Variants in MIB1 observed in about 807,000 individuals in gnomAD.
MIB1 encodes the protein MIB E3 ubiquitin protein ligase 1, also known as E3 ubiquitin-protein ligase MIB1.
MIB1 carries 278 observed loss-of-function variants against 124.5 expected under a neutral mutation model. The ratio of observed to expected loss-of-function variants is 2.23; its 90% CI spans 2.02 to 2.47. The LOEUF is 2.47. Among genes scored for constraint, MIB1 ranks in the 30% most tolerant of loss-of-function variants. The probability of loss-of-function intolerance (pLI) is 0.00; values close to 1 mark genes in which losing one functional copy is unlikely to be tolerated. For missense variants in MIB1, 957 were observed against 1,254.4 expected (o/e 0.76, Z 3.58); for synonymous variants, 446 against 429.4 (o/e 1.04, Z -0.48).
At chr18:21,768,252 A>G (rs1051002980) in intron 2 of MIB1, among the ~76,000 whole-genome samples, 1 of 152,194 alleles carries the variant, frequency 6.6e-6, no homozygotes. Context: ...AGTCCATTAC[A>G]TTTTAACTTT....
chr18:21,741,521 G>A lies in MIB1; in HGVS notation c.-63G>A, dbSNP rs1350749699. 13 of 1,237,652 alleles carry A rather than the reference G, an allele frequency of 1.1e-5. No individual in the cohort carries two copies. The highest frequency in any genetic ancestry group is 1.6e-5 in the African/African-American group (1 of 62,506). The allele number at this position is 1,237,652 out of a possible 1,614,324, so 76.7% of individuals were successfully genotyped here. ...CCGGCCCGGGCCCAACTCCCTCACG[G>A]GCCCCCCGGCGGCAGCGGCGGCGGC... On this transcript the variant is annotated 5_prime_UTR_variant, in exon 1 of 21. Transcript: ENST00000261537. The surrounding 1 kb of genome is among the most constrained non-coding windows in gnomAD (Gnocchi z 5.4).
At chr18:21,716,667 C>G (rs1011651330) in intron 1 of MIB1, among the ~76,000 whole-genome samples, 1 of 152,028 alleles carries the variant, frequency 6.6e-6, no homozygotes, top group Admixed American at 6.6e-5. Context: ...CTGGCTAACA[C>G]GGTGAAACCC....
intron 1 of MIB1, among the ~76,000 whole-genome samples, chr18:21,724,727 A>AAAAAATATAT (rs1350936232): frequency 1.7e-4 from 3 of 17,376 alleles, no homozygotes; most frequent in African/African-American, 3.6e-4. Flanking sequence ...AAAAAAAAAA[A>AAAAAATATAT]ATATATATAT....
At chr18:21,764,651 T>C (rs10164226) in intron 1 of MIB1, among the ~76,000 whole-genome samples, 4,743 of 152,170 alleles carry the variant, frequency 0.031, 249 homozygotes, top group African/African-American at 0.11. Flanking sequence ...ATGTACCCAT[T>C]ACCCAACTTC....
intron 10 of MIB1, among the ~76,000 whole-genome samples, chr18:21,815,042 TATATATATATATATAA>T (rs2041815659): frequency 7.9e-6 from 1 of 126,492 alleles, no homozygotes; most frequent in African/African-American, 3.3e-5. Flanking sequence ...TATATATATA[TATATATATATATATAA>T]AATTATATAT....
rs1442901456 is a variant in MIB1 at position 21,870,631 on chromosome 18, AATC to A, written c.*5968_*5970del. The A allele has an allele frequency of 6.6e-6, 1 of 152,168 alleles. No homozygotes were observed. The highest frequency in any genetic ancestry group is 2.4e-5 in the African/African-American group (1 of 41,452). 9.4% of individuals were successfully genotyped at this position (152,168 alleles called of 1,614,324 possible). A position where few individuals can be genotyped will look rare whatever the true frequency, so the allele number is the denominator to read the frequency against. On this transcript the variant is annotated 3_prime_UTR_variant, in exon 21 of 21. Coordinates refer to ENST00000261537, the MANE Select transcript of MIB1 (RefSeq NM_020774.4). Reference sequence around the variant, plus strand: ...TATTTGGGTTTTAGTTTTATGAGTAAATCATTAATTGTATGGTTTGGGGGTTAT... The same window carrying A: ...TATTTGGGTTTTAGTTTTATGAGTAAATTAATTGTATGGTTTGGGGGTTAT...
chr18:21,815,395 C>T (rs1455410972), intron 10 of MIB1, among the ~76,000 whole-genome samples: 1 of 152,032 alleles, frequency 6.6e-6, no homozygotes, highest in Non-Finnish European at 1.5e-5. Context: ...ATCTTACTCA[C>T]ATTTACAGTT....
At chr18:21,759,431 C>T (rs182602727) in intron 1 of MIB1, among the ~76,000 whole-genome samples, 7 of 151,508 alleles carry the variant, frequency 4.6e-5, no homozygotes, top group African/African-American at 1.2e-4. Flanking sequence ...TTAATAGAGA[C>T]GGGGTTTCAC....
At position 21,864,618 on chromosome 18, in the gene MIB1, A is replaced by ATGTCCTATCTG. The variant is rs1598649452; in HGVS notation, c.2975_2985dup (p.Arg996ValfsTer17). On this transcript the variant is annotated frameshift_variant, in exon 21 of 21. Transcript: ENST00000261537. LOFTEE classifies it high-confidence loss of function. The stretch of plus-strand genomic sequence containing the variant: ...AACTCTGTGGAGACCGCATGAGTGA[A>ATGTCCTATCTG]TGTCCTATCTGTCGCAAGGCTATTG... 6.2e-7 allele frequency: 1 copy of ATGTCCTATCTG among 1,613,896 alleles called. No individual in the cohort carries two copies.
chr18:21,849,540 G>C, intron 17 of MIB1, 152 bp downstream of exon 17: 1 of 445,446 alleles, frequency 2.2e-6, no homozygotes, highest in South Asian at 6.7e-5. Context: ...GCATTTATCA[G>C]ATCAGAATTT....
chr18:21,859,913 G>GAAAAAAAAAAAAAAAAAAA (rs1347677474), intron 20 of MIB1, among the ~76,000 whole-genome samples: 1 of 137,608 alleles, frequency 7.3e-6, no homozygotes. Context: ...AAAAAAAAAG[G>GAAAAAAAAAAAAAAAAAAA]AAAAATGTGT....
chr18:21,752,052 A>G (rs898251594), intron 1 of MIB1, among the ~76,000 whole-genome samples: 2 of 152,244 alleles, frequency 1.3e-5, no homozygotes, highest in African/African-American at 2.4e-5. Flanking sequence ...GTAAGAAAAC[A>G]TATTAGTCCC....
intron 6 of MIB1, among the ~76,000 whole-genome samples, chr18:21,784,961 A>C (rs950908755): frequency 1.3e-5 from 2 of 152,152 alleles, no homozygotes; most frequent in African/African-American, 4.8e-5. Context: ...TTCCTGGTCC[A>C]CTTTCATGTT....
intron 1 of MIB1, among the ~76,000 whole-genome samples, chr18:21,730,157 C>G (rs1568177818): frequency 6.6e-6 from 1 of 152,300 alleles, no homozygotes; most frequent in East Asian, 1.9e-4. Context: ...TGAAATTACT[C>G]TTTTCAAAGT....
chr18:21,746,848 C>A (rs2040917840), intron 1 of MIB1, among the ~76,000 whole-genome samples: 1 of 152,126 alleles, frequency 6.6e-6, no homozygotes, highest in African/African-American at 2.4e-5. Flanking sequence ...GCAAAGAATG[C>A]CTCTCCAGTC....
intron 1 of MIB1, among the ~76,000 whole-genome samples, chr18:21,714,951 G>T (rs2040683027): frequency 6.6e-6 from 1 of 152,180 alleles, no homozygotes; most frequent in African/African-American, 2.4e-5. Context: ...ATCACCCCAT[G>T]GAGGATCATG....
intron 9 of MIB1, among the ~76,000 whole-genome samples, chr18:21,800,668 G>A (rs2041641000): frequency 6.6e-6 from 1 of 151,906 alleles, no homozygotes; most frequent in Admixed American, 6.6e-5. Context: ...GTGTTGTAAG[G>A]GTTTTTGTTG....
chr18:21,847,977 G>T (rs2042149100), intron 16 of MIB1, among the ~76,000 whole-genome samples: 1 of 152,088 alleles, frequency 6.6e-6, no homozygotes, highest in African/African-American at 2.4e-5. Context: ...CCTGGTTCTT[G>T]TCACTGAAAT....
chr18:21,778,357 A>G (rs1053075881), intron 5 of MIB1, among the ~76,000 whole-genome samples, 188 bp downstream of exon 5: 5 of 152,128 alleles, frequency 3.3e-5, no homozygotes, highest in African/African-American at 4.8e-5. Flanking sequence ...CAGAGTTGTC[A>G]TGTCTTGAGA....
Sources: gnomAD v4.1 joint callset for allele counts (sites outside exome capture counted in the v4.1 genomes callset) on GRCh38, gnomAD v4.1.1 for gene constraint, Gnocchi (gnomAD v3.1) non-coding constraint, MANE v1.5 for transcripts, NCBI Gene and HGNC (gene_info 2026-07-23, HGNC 2026-07-21) for gene names.